Variants in HEMK1 observed in about 807,000 individuals in gnomAD.
HEMK1 encodes HemK methyltransferase 1, mitochondrial release factors N(5)-glutamine, also known as MTRF1L release factor glutamine methyltransferase.
A neutral mutation model predicts 47.9 loss-of-function variants in HEMK1; 36 were observed. The observed-to-expected ratio is 0.75, with a 90% CI of 0.58 to 0.99. The LOEUF (loss-of-function observed/expected upper bound fraction) is 0.99. HEMK1 is among the 50% of genes least tolerant of loss of function. HEMK1 has a pLI of 0.00. For missense variants in HEMK1, 383 were observed against 434.5 expected (o/e 0.88, Z 1.05); for synonymous variants, 153 against 165.4 (o/e 0.93, Z 0.57).
chr3:50,579,964 G>A (rs1229660776), intron 9 of HEMK1, 25 bp downstream of exon 9: 1 of 1,591,190 alleles, frequency 6.3e-7, no homozygotes, highest in African/African-American at 1.3e-5. Flanking sequence ...GGTCTCCTAG[G>A]TCTGTCCCCA....
rs554462795 is a variant in HEMK1, at chr3:50,589,623, G to C, written c.*9206G>C. 6.6e-6 allele frequency: 1 copy of C among 152,096 alleles called. No individual in the cohort carries two copies. The highest frequency in any genetic ancestry group is 1.5e-5 in the Non-Finnish European group (1 of 68,048). The allele number at this position is 152,096 out of a possible 1,614,324, so 9.4% of individuals were successfully genotyped here. A position where few individuals can be genotyped will look rare whatever the true frequency, so the allele number is the denominator to read the frequency against. Reference sequence around the variant, plus strand: ...CTAAAAAAATAATTTTAGGCCGGGCGCGGTGGCTCACGCCTGTAATCCCAG... The same window carrying C: ...CTAAAAAAATAATTTTAGGCCGGGCCCGGTGGCTCACGCCTGTAATCCCAG... On this transcript the variant is annotated 3_prime_UTR_variant, in exon 11 of 11. Coordinates refer to ENST00000232854, the MANE Select transcript of HEMK1 (RefSeq NM_016173.5).
At chr3:50,579,609 G>A (rs983807218) in intron 8 of HEMK1, among the ~76,000 whole-genome samples, 3 of 152,208 alleles carry the variant, frequency 2.0e-5, no homozygotes, top group Admixed American at 6.5e-5. Flanking sequence ...GAGGCCATCA[G>A]CCAGTGGGAT....
Position 50,582,324 on chromosome 3 carries a change from G to T in HEMK1, c.*1907G>T, listed in dbSNP as rs1259445332. On this transcript the variant is annotated 3_prime_UTR_variant, in exon 11 of 11. Transcript: ENST00000232854. ...AACTTTCTGCCCAGAAAAATGTGCAGCTTGACTCTGCTGAGGAAAAGGTCC... is the reference window on the plus strand; with the variant it reads ...AACTTTCTGCCCAGAAAAATGTGCATCTTGACTCTGCTGAGGAAAAGGTCC... The T allele has an allele frequency of 6.6e-6, 1 of 152,260 alleles. No individual in the cohort carries two copies. Among genetic ancestry groups the T allele is most frequent in the Non-Finnish European group, 1.5e-5 (1 of 68,076 alleles). 9.4% of individuals were successfully genotyped at this position (152,260 alleles called of 1,614,324 possible). A position where few individuals can be genotyped will look rare whatever the true frequency, so the allele number is the denominator to read the frequency against.
rs1183459230 is a variant in HEMK1, at chr3:50,586,699, CTG to C, written c.*6283_*6284del. ...GATCCCTGTGGTACAGATGAGGAAA[CTG>C]AGGCTTAGCAGGACAGGAGCAGGGC... On this transcript the variant is annotated 3_prime_UTR_variant, in exon 11 of 11. Coordinates refer to ENST00000232854, the MANE Select transcript of HEMK1 (RefSeq NM_016173.5). 2 of 152,194 alleles carry C rather than the reference CTG, an allele frequency of 1.3e-5. No individual in the cohort carries two copies. The highest frequency in any genetic ancestry group is 6.5e-5 in the Admixed American group (1 of 15,270). 9.4% of individuals were successfully genotyped at this position (152,194 alleles called of 1,614,324 possible).
chr3:50,580,565 C>T lies in HEMK1; in HGVS notation c.*148C>T, dbSNP rs1039244431. On this transcript the variant is annotated 3_prime_UTR_variant, in exon 11 of 11. Coordinates refer to ENST00000232854, the MANE Select transcript of HEMK1 (RefSeq NM_016173.5). ...GCATTTCTAGGATATTTCTAGGACACCTGGATTGGCTCCATCACATCAGAG... is the reference window on the plus strand; with the variant it reads ...GCATTTCTAGGATATTTCTAGGACATCTGGATTGGCTCCATCACATCAGAG... 12 of 803,896 alleles carry T rather than the reference C, an allele frequency of 1.5e-5. No individual in the cohort carries two copies. Among genetic ancestry groups the T allele is most frequent in the Admixed American group, 2.5e-5 (1 of 40,664 alleles). The allele number at this position is 803,896 out of a possible 1,614,324, so 49.8% of individuals were successfully genotyped here. A position where few individuals can be genotyped will look rare whatever the true frequency, so the allele number is the denominator to read the frequency against.
Position 50,572,193 on chromosome 3 carries a change from T to A in HEMK1, c.399T>A (p.Pro133=), listed in dbSNP as rs2232248. The A allele has an allele frequency of 1.2e-4, 188 of 1,613,272 alleles. 3 individuals carry two copies. The South Asian group carries it at 1.6e-3, about 14-fold the overall frequency. The change falls in exon 4 of 11, where the codon CCT becomes CCA. Residue 133 remains proline, a synonymous_variant. Coordinates refer to ENST00000232854, the MANE Select transcript of HEMK1 (RefSeq NM_016173.5). ...GGATGGTGCCCCCAGTGTTTATTCC[T>A]CGGCCAGAAACAGAGGTAGGTGTGC... ...SLRMVPPVFI[P]RPETEELVEW...
rs534137013 is a variant in HEMK1 at position 50,594,283 on chromosome 3, T to C, written c.*13866T>C. On this transcript the variant is annotated 3_prime_UTR_variant, in exon 11 of 11. Coordinates refer to ENST00000232854, the MANE Select transcript of HEMK1 (RefSeq NM_016173.5). ...TTGTTTATTTTAGAGGCTTTTTTTT[T>C]CATCTTTCATTCATGCAACAGACCT... 6.6e-6 allele frequency: 1 copy of C among 152,320 alleles called. No homozygotes were observed. The highest frequency in any genetic ancestry group is 1.9e-4 in the East Asian group (1 of 5,182). The allele number at this position is 152,320 out of a possible 1,614,324, so 9.4% of individuals were successfully genotyped here.
In HEMK1 at chr3:50,578,911, C is replaced by T. The variant is rs762545838; in HGVS notation, c.755C>T (p.Ala252Val). The change falls in exon 8 of 11, where the codon GCC (alanine) becomes GTC (valine). Residue 252 changes from alanine to valine, a missense_variant. By Grantham distance (64) the Ala-to-Val change is moderately conservative. Coordinates refer to ENST00000232854, the MANE Select transcript of HEMK1 (RefSeq NM_016173.5). ...TTCCACCAGGACATGGAGCAGCTGG[C>T]CCCTGAGATCCGCAGGTGCTAAGCA... ...YVFHQDMEQL[A>V]PEIRSYEDPA... is the part of the protein sequence containing the mutation. 2.5e-6 allele frequency: 4 copies of T among 1,611,446 alleles called. No homozygotes were observed. Among genetic ancestry groups the T allele is most frequent in the Admixed American group, 3.3e-5 (2 of 59,740 alleles).
In HEMK1 at chr3:50,580,409, G is replaced by C; in HGVS notation, c.1009G>C (p.Gly337Arg). 1 of 1,614,134 alleles carries C rather than the reference G, an allele frequency of 6.2e-7. No individual in the cohort carries two copies. The highest frequency in any genetic ancestry group is 8.5e-7 in the Non-Finnish European group (1 of 1,180,008). ...RPRFLHIRRS[G>R]P is the part of the protein sequence containing the mutation. Reference sequence around the variant, plus strand: ...CCGGTTCCTGCATATCCGGAGGTCTGGGCCATAGCATGGCTGCCCTGTGGA... The same window carrying C: ...CCGGTTCCTGCATATCCGGAGGTCTCGGCCATAGCATGGCTGCCCTGTGGA... The change falls in exon 11 of 11, where the codon GGG becomes CGG. Residue 337 changes from glycine (G) to arginine (R), a missense_variant. By Grantham distance (125) the Gly-to-Arg change is moderately radical. Transcript: ENST00000232854.
At chr3:50,579,187 G>C (rs1202094008) in intron 8 of HEMK1, among the ~76,000 whole-genome samples, 2 of 152,206 alleles carry the variant, frequency 1.3e-5, no homozygotes, top group African/African-American at 4.8e-5. Context: ...GAGAGGTAGT[G>C]CTCTGCAGGG....
intron 4 of HEMK1, among the ~76,000 whole-genome samples, chr3:50,573,994 C>T (rs941372945): frequency 6.6e-6 from 1 of 152,208 alleles, no homozygotes; most frequent in Non-Finnish European, 1.5e-5. Context: ...GCAATGCCAC[C>T]TCCCTGGGTC....
At chr3:50,578,070 C>G (rs961550135) in intron 7 of HEMK1, among the ~76,000 whole-genome samples, 195 bp downstream of exon 7, 2 of 152,150 alleles carry the variant, frequency 1.3e-5, no homozygotes, top group Non-Finnish European at 2.9e-5. Flanking sequence ...AGACAAGGTG[C>G]TTTTGCCTCC....
At chr3:50,580,059 C>G (rs1053773906) in intron 9 of HEMK1, 57 bp from the exon 10 acceptor site, 1 of 1,556,994 alleles carries the variant, frequency 6.4e-7, no homozygotes, top group East Asian at 2.2e-5. Flanking sequence ...CCAAGCAGCC[C>G]AGAAGGGCAG....
At chr3:50,570,870 T>C in intron 1 of HEMK1, 61 bp from the exon 2 acceptor site, 1 of 434,604 alleles carries the variant, frequency 2.3e-6, no homozygotes, top group Non-Finnish European at 4.1e-6. Context: ...AGGCAATGTA[T>C]TGGTAGAAGG....
At chr3:50,580,331 T>A (rs2030616159) in intron 10 of HEMK1, 50 bp from the exon 11 acceptor site, 1 of 1,612,538 alleles carries the variant, frequency 6.2e-7, no homozygotes. Context: ...CACTTCCTGT[T>A]CATTCCCTGA....
At chr3:50,577,028 G>A in intron 4 of HEMK1, 24 bp from the exon 5 acceptor site, 2 of 1,613,634 alleles carry the variant, frequency 1.2e-6, no homozygotes, top group East Asian at 2.2e-5. Flanking sequence ...CACCGACTCT[G>A]ATCCAGATCC....
intron 7 of HEMK1, among the ~76,000 whole-genome samples, chr3:50,578,138 C>T (rs1245252958): frequency 6.6e-6 from 1 of 152,210 alleles, no homozygotes; most frequent in East Asian, 1.9e-4. Context: ...TCCTCACAAC[C>T]AATGAGTTAA....
intron 5 of HEMK1, 123 bp downstream of exon 5, chr3:50,577,309 G>C: frequency 1.3e-5 from 16 of 1,253,238 alleles, no homozygotes; most frequent in Non-Finnish European, 1.7e-5. Flanking sequence ...AGGGAGGACA[G>C]GGCTGCCCCT....
At chr3:50,576,313 C>T (rs1446285155) in intron 4 of HEMK1, among the ~76,000 whole-genome samples, 1 of 152,252 alleles carries the variant, frequency 6.6e-6, no homozygotes, top group African/African-American at 2.4e-5. Flanking sequence ...TCATGGGACA[C>T]TTGTGAGGAT....
Sources: allele counts gnomAD v4.1 joint callset (sites outside exome capture counted in the v4.1 genomes callset), GRCh38; gene constraint gnomAD v4.1.1; transcripts MANE v1.5; gene names NCBI Gene and HGNC (gene_info 2026-07-23, HGNC 2026-07-21).